MACROD2: variants seen among roughly 807,000 people sequenced by gnomAD.
The protein encoded by MACROD2 is ADP-ribose glycohydrolase MACROD2.
A neutral mutation model predicts 70.4 loss-of-function variants in MACROD2; 36 were observed. The observed-to-expected ratio is 0.51, with a 90% CI of 0.39 to 0.68. The LOEUF is 0.68. Ranked by LOEUF, MACROD2 falls within the 30% of genes least tolerant of loss-of-function variation. The pLI, the probability that MACROD2 is intolerant of heterozygous loss-of-function variation, is 0.00. For synonymous variants in MACROD2, 172 were observed against 178.8 expected (o/e 0.96, Z 0.30); for missense variants, 496 against 538.4 (o/e 0.92, Z 0.78).
chr20:15,287,842 T>C (rs918252683), intron 6 of MACROD2, among the ~76,000 whole-genome samples: 3 of 152,254 alleles, frequency 2.0e-5, no homozygotes, highest in Non-Finnish European at 4.4e-5. Context: ...AAGGAGCTAT[T>C]GGCATTTGCC....
rs867867098 is a variant in MACROD2, at chr20:14,230,701, G to A, written c.271+144973G>A. Among the ~76,000 whole-genome samples, 417 of 90,530 alleles carry A rather than the reference G, an allele frequency of 4.6e-3. 21 individuals are homozygous for A. Among genetic ancestry groups the A allele is most frequent in the African/African-American group, 0.02 (385 of 19,358 alleles). 59.4% of individuals were successfully genotyped at this position (90,530 alleles called of 152,430 possible). On this transcript the variant is annotated intron_variant, in intron 3 of 17. Coordinates refer to ENST00000684519, the MANE Select transcript of MACROD2 (RefSeq NM_001351661.2). ...TATATATATATATATATATATATAT[G>A]GGCCCAGCCTATGTTATAATTTGAC...
At chr20:14,651,522 A>T (rs1361079633) in intron 4 of MACROD2, among the ~76,000 whole-genome samples, 1 of 152,214 alleles carries the variant, frequency 6.6e-6, no homozygotes, top group African/African-American at 2.4e-5. Flanking sequence ...GTAATAAGTG[A>T]TGGAGGTAGG....
chr20:15,679,304 A>G (rs2050127088), intron 8 of MACROD2, among the ~76,000 whole-genome samples: 1 of 151,818 alleles, frequency 6.6e-6, no homozygotes, highest in Admixed American at 6.6e-5. Context: ...GCCACTGAGC[A>G]GGGAGCACAC....
chr20:15,314,731 C>T (rs2077790777), intron 6 of MACROD2, among the ~76,000 whole-genome samples: 1 of 152,120 alleles, frequency 6.6e-6, no homozygotes, highest in African/African-American at 2.4e-5. Flanking sequence ...CTCCAGCCAC[C>T]TGGGGCAAAA....
chr20:15,417,821 G>GT (rs929493852), intron 6 of MACROD2, among the ~76,000 whole-genome samples: 81 of 151,888 alleles, frequency 5.3e-4, no homozygotes, highest in African/African-American at 1.9e-3. Context: ...TTTTTCTTCT[G>GT]TTTTTTTGGG....
At chr20:14,878,243 A>G (rs1209838214) in intron 5 of MACROD2, among the ~76,000 whole-genome samples, 1 of 152,160 alleles carries the variant, frequency 6.6e-6, no homozygotes, top group African/African-American at 2.4e-5. Flanking sequence ...GAAGGGAAGA[A>G]AGAGAACATC....
chr20:14,017,370 A>T (rs1412918567), intron 2 of MACROD2, among the ~76,000 whole-genome samples: 1 of 152,130 alleles, frequency 6.6e-6, no homozygotes, highest in Admixed American at 6.5e-5. Context: ...TGGCTAGAAT[A>T]AGTGAAAGTG....
At chr20:14,427,997 C>T (rs1418561683) in intron 3 of MACROD2, among the ~76,000 whole-genome samples, 1 of 152,004 alleles carries the variant, frequency 6.6e-6, no homozygotes, top group Non-Finnish European at 1.5e-5. Context: ...ATAATTTCTA[C>T]CATAGTAATG....
chr20:15,320,952 G>T (rs1407998115), intron 6 of MACROD2, among the ~76,000 whole-genome samples: 2 of 152,114 alleles, frequency 1.3e-5, no homozygotes, highest in African/African-American at 4.8e-5. Flanking sequence ...AAAAGATTTG[G>T]GTGAGGAAAA....
intron 8 of MACROD2, among the ~76,000 whole-genome samples, chr20:15,734,237 C>T (rs2050987664): frequency 6.6e-6 from 1 of 152,152 alleles, no homozygotes; most frequent in Admixed American, 6.6e-5. Flanking sequence ...GCATTTGAAG[C>T]ATGACGCCAG....
At chr20:14,745,915 T>C (rs928278945) in intron 5 of MACROD2, among the ~76,000 whole-genome samples, 9 of 152,132 alleles carry the variant, frequency 5.9e-5, no homozygotes, top group Non-Finnish European at 1.2e-4. Context: ...AGAATATGGA[T>C]GCAGTCCCTC....
At chr20:15,733,404 T>A (rs1222917977) in intron 8 of MACROD2, among the ~76,000 whole-genome samples, 1 of 152,146 alleles carries the variant, frequency 6.6e-6, no homozygotes. Context: ...CAGATTTAAT[T>A]TACTCTTTAT....
intron 3 of MACROD2, among the ~76,000 whole-genome samples, chr20:14,406,134 A>T (rs2083688334): frequency 6.6e-6 from 1 of 152,074 alleles, no homozygotes; most frequent in African/African-American, 2.4e-5. Context: ...GTTTGACAAA[A>T]ATTTGCTCCT....
At chr20:15,951,211 A>C (rs1179828971) in intron 12 of MACROD2, among the ~76,000 whole-genome samples, 1 of 151,830 alleles carries the variant, frequency 6.6e-6, no homozygotes, top group Non-Finnish European at 1.5e-5. Context: ...TTGACAATAG[A>C]TTTTCACAAG....
At chr20:15,245,185 G>T (rs1354043203) in intron 6 of MACROD2, among the ~76,000 whole-genome samples, 2 of 152,186 alleles carry the variant, frequency 1.3e-5, no homozygotes, top group African/African-American at 4.8e-5. Context: ...AATGGAAGGA[G>T]AATCCTTTCT....
chr20:14,183,032 C>T (rs1453134171), intron 3 of MACROD2, among the ~76,000 whole-genome samples: 2 of 148,024 alleles, frequency 1.4e-5, no homozygotes, highest in African/African-American at 4.9e-5. Context: ...TATGACAAAC[C>T]CCCATGACAC....
chr20:15,519,464 T>G (rs1053475541), intron 8 of MACROD2, among the ~76,000 whole-genome samples: 3 of 152,176 alleles, frequency 2.0e-5, no homozygotes, highest in Non-Finnish European at 4.4e-5. Flanking sequence ...CTGAGGCAGA[T>G]AGTCTTGTTT....
chr20:15,947,028 A>G, intron 12 of MACROD2, among the ~76,000 whole-genome samples: 1 of 152,166 alleles, frequency 6.6e-6, no homozygotes. Flanking sequence ...CAAACATCTC[A>G]GTGGAGTAAA....
At chr20:14,974,245 C>G (rs369217825) in intron 5 of MACROD2, among the ~76,000 whole-genome samples, 1 of 152,154 alleles carries the variant, frequency 6.6e-6, no homozygotes, top group Non-Finnish European at 1.5e-5. Context: ...AGGCCCACCT[C>G]TCAATACTGC....
Sources: allele counts gnomAD v4.1 joint callset (sites outside exome capture counted in the v4.1 genomes callset), GRCh38; gene constraint gnomAD v4.1.1; transcripts MANE v1.5; gene names NCBI Gene and HGNC (gene_info 2026-07-23, HGNC 2026-07-21).